The following ZNF501 variants were observed in gnomAD, a reference collection of about 807,000 sequenced individuals.
ZNF501 encodes zinc finger protein 501, also known as zinc finger protein 52.
ZNF501 carries 7 observed loss-of-function variants against 5.7 expected under a neutral mutation model. The observed-to-expected ratio is 1.24, with a 90% CI of 0.70 to 2.32. The LOEUF (loss-of-function observed/expected upper bound fraction) is 2.32. Ranked by LOEUF, ZNF501 falls within the 30% of genes most tolerant of loss-of-function variation. The pLI is 0.00. For missense variants in ZNF501, 352 were observed against 321.1 expected (o/e 1.10, Z -0.73); for synonymous variants, 107 against 101.9 (o/e 1.05, Z -0.30).
Position 44,734,407 on chromosome 3 carries a change from G to C in ZNF501, c.-15G>C, listed in dbSNP as rs1372014707. ...AAAAAAAACTTGTAAGTATGAATTT[G>C]GTGTTACAAGCAGCATGAATTCCAG... On this transcript the variant is annotated 5_prime_UTR_variant, in exon 3 of 3. Transcript: ENST00000620116. 1 of 1,600,948 alleles carries C rather than the reference G, an allele frequency of 6.2e-7. No individual in the cohort carries two copies. The highest frequency in any genetic ancestry group is 1.7e-5 in the Admixed American group (1 of 57,990).
In ZNF501 at chr3:44,736,901, A is replaced by G. The variant is rs959703893; in HGVS notation, c.*1664A>G. 2.3e-4 allele frequency: 38 copies of G among 166,730 alleles called. No individual in the cohort carries two copies. The highest frequency in any genetic ancestry group is 9.0e-4 in the African/African-American group (37 of 41,310). The allele number at this position is 166,730 out of a possible 1,614,324, so 10.3% of individuals were successfully genotyped here. A position where few individuals can be genotyped will look rare whatever the true frequency, so the allele number is the denominator to read the frequency against. On this transcript the variant is annotated 3_prime_UTR_variant, in exon 3 of 3. Transcript: ENST00000620116. ...ACCTTTATCAGATAGGTCTTTTGCA[A>G]ATATTTTCCTCCCAGGCTGTGGCTT...
chr3:44,734,846 C>A lies in ZNF501; in HGVS notation c.425C>A (p.Ala142Asp), dbSNP rs754773526. ...TATAAATGTACAGAATGTGGCAAAG[C>A]CTTCAGTCAGAGCATATGCCTTACT... The part of the protein sequence containing the change: ...KPYKCTECGK[A>D]FSQSICLTRH... Residue 142 changes from alanine (A) to aspartate (D), a missense_variant, in exon 3 of 3, where the codon GCC (alanine) becomes GAC (aspartate). Coordinates refer to ENST00000620116, the MANE Select transcript of ZNF501 (RefSeq NM_001258280.2). 2 of 1,613,852 alleles carry A rather than the reference C, an allele frequency of 1.2e-6. No homozygotes were observed. The highest frequency in any genetic ancestry group is 2.2e-5 in the South Asian group (2 of 91,076).
chr3:44,733,628 C>A (rs1259412158), intron 2 of ZNF501, among the ~76,000 whole-genome samples: 3 of 151,906 alleles, frequency 2.0e-5, no homozygotes, highest in Non-Finnish European at 4.4e-5. Context: ...AGTCAAGTTA[C>A]TGTCCAATTA....
In ZNF501 at chr3:44,731,077, G is replaced by C. The variant is rs548624013; in HGVS notation, c.-310-399G>C. ...GGTCATTGAACAAATTGGTGGCAGA[G>C]CTGAGACTAGAATCCACACCTCTTG... On this transcript the variant is annotated intron_variant, in intron 1 of 2. Transcript: ENST00000620116. Among the ~76,000 whole-genome samples the C allele has an allele frequency of 3.0e-4, 45 of 152,356 alleles. 2 individuals are homozygous for C. The South Asian group carries it at 6.2e-3, about 21-fold the overall frequency.
chr3:44,734,807 C>G lies in ZNF501; in HGVS notation c.386C>G (p.Thr129Ser). The G allele has an allele frequency of 6.2e-7, 1 of 1,614,024 alleles. No homozygotes were observed. The stretch of plus-strand genomic sequence containing the variant: ...CTTATTAAACACCAGCGAATTCATA[C>G]TGGAGAGAAACCATATAAATGTACA... ...PSLIKHQRIH[T>S]GEKPYKCTEC... Residue 129 changes from threonine (T) to serine (S), a missense_variant, in exon 3 of 3, where the codon ACT (threonine) becomes AGT (serine). Physicochemically the swap from Thr to Ser is moderately conservative, Grantham distance 58. Transcript: ENST00000620116.
rs1002333735 is a variant in ZNF501, at chr3:44,735,515, T to C, written c.*278T>C. ...TGTCCTGAGAATAAAATGAGTTCTGTGTGACAGTTAACTGCCATTAATTAA... is the reference window on the plus strand; with the variant it reads ...TGTCCTGAGAATAAAATGAGTTCTGCGTGACAGTTAACTGCCATTAATTAA... On this transcript the variant is annotated 3_prime_UTR_variant, in exon 3 of 3. Transcript: ENST00000620116. 1 of 282,712 alleles carries C rather than the reference T, an allele frequency of 3.5e-6. No individual in the cohort carries two copies. The highest frequency in any genetic ancestry group is 2.2e-5 in the African/African-American group (1 of 45,534). The allele number at this position is 282,712 out of a possible 1,614,324, so 17.5% of individuals were successfully genotyped here.
Position 44,734,426 on chromosome 3 carries a change from A to G in ZNF501, c.5A>G (p.Asn2Ser). M[N>S]SSQISLRMKH... ...GAATTTGGTGTTACAAGCAGCATGAATTCCAGCCAAATATCACTCAGAATG... is the reference window on the plus strand; with the variant it reads ...GAATTTGGTGTTACAAGCAGCATGAGTTCCAGCCAAATATCACTCAGAATG... Residue 2 changes from asparagine to serine, a missense_variant, in exon 3 of 3, where the codon AAT becomes AGT. Asn to Ser is a conservative substitution (Grantham distance 46). Transcript: ENST00000620116. 6.2e-7 allele frequency: 1 copy of G among 1,610,676 alleles called. No homozygotes were observed. Among genetic ancestry groups the G allele is most frequent in the East Asian group, 2.2e-5 (1 of 44,804 alleles).
rs778932970 is a variant in ZNF501, at chr3:44,734,399, A to G, written c.-23A>G. The stretch of plus-strand genomic sequence containing the variant: ...CTTTGAGGAAAAAAAACTTGTAAGT[A>G]TGAATTTGGTGTTACAAGCAGCATG... On this transcript the variant is annotated 5_prime_UTR_variant, in exon 3 of 3. The change abolishes an upstream ATG in the 5' untranslated region. Transcript: ENST00000620116. 6.3e-7 allele frequency: 1 copy of G among 1,596,248 alleles called. No homozygotes were observed. Among genetic ancestry groups the G allele is most frequent in the Non-Finnish European group, 8.5e-7 (1 of 1,170,348 alleles).
At position 44,735,408 on chromosome 3, in the gene ZNF501, G is replaced by A. The variant is rs567456458; in HGVS notation, c.*171G>A. 7 of 589,546 alleles carry A rather than the reference G, an allele frequency of 1.2e-5. No individual in the cohort carries two copies. The highest frequency in any genetic ancestry group is 5.7e-5 in the East Asian group (2 of 34,910). 36.5% of individuals were successfully genotyped at this position (589,546 alleles called of 1,614,324 possible). A position where few individuals can be genotyped will look rare whatever the true frequency, so the allele number is the denominator to read the frequency against. On this transcript the variant is annotated 3_prime_UTR_variant, in exon 3 of 3. Transcript: ENST00000620116. ...TCTGGAGTTTGATGCCTTATCTGCTGCTCAGTGGGTGTAACCTTATCCCTT... is the reference window on the plus strand; with the variant it reads ...TCTGGAGTTTGATGCCTTATCTGCTACTCAGTGGGTGTAACCTTATCCCTT...
rs1025522203 is a variant in ZNF501 at position 44,730,178 on chromosome 3, T to C, written c.-311+163T>C. ...ATTCTTCTAAGTAGTTGCCATGTAG[T>C]AACCCACTTATTCATTACGACAACC... On this transcript the variant is annotated intron_variant, in intron 1 of 2. Transcript: ENST00000620116. Among the ~76,000 whole-genome samples the C allele has an allele frequency of 5.9e-5, 9 of 152,358 alleles. No homozygotes were observed. The East Asian group carries it at 1.7e-3, about 29-fold the overall frequency.
chr3:44,735,080 G>A lies in ZNF501; in HGVS notation c.659G>A (p.Cys220Tyr), dbSNP rs372723266. The A allele has an allele frequency of 2.8e-5, 46 of 1,614,166 alleles. No homozygotes were observed. The African/African-American group carries it at 4.4e-4, about 15-fold the overall frequency. Reference sequence around the variant, plus strand: ...CACACTGGAGAGAAACTTTATAAGTGTAGTGAGTGTGAAAAAACTTTCCGC... The same window carrying A: ...CACACTGGAGAGAAACTTTATAAGTATAGTGAGTGTGAAAAAACTTTCCGC... ...RTHTGEKLYK[C>Y]SECEKTFRKQ... The change falls in exon 3 of 3, where the codon TGT becomes TAT. Residue 220 changes from cysteine to tyrosine, a missense_variant. Physicochemically the swap from Cys to Tyr is radical, Grantham distance 194. Coordinates refer to ENST00000620116, the MANE Select transcript of ZNF501 (RefSeq NM_001258280.2).
Position 44,734,896 on chromosome 3 carries a change from G to A in ZNF501, c.475G>A (p.Asp159Asn). The A allele has an allele frequency of 6.2e-7, 1 of 1,613,860 alleles. No individual in the cohort carries two copies. The highest frequency in any genetic ancestry group is 8.5e-7 in the Non-Finnish European group (1 of 1,179,998). The change falls in exon 3 of 3, where the codon GAT becomes AAT. Residue 159 changes from aspartate to asparagine, a missense_variant. Coordinates refer to ENST00000620116, the MANE Select transcript of ZNF501 (RefSeq NM_001258280.2). ...TCGTCATCAGAGAAGTCATTCTGGA[G>A]ATAAACCTTTTAAGTGTAATGAATG... is the stretch of plus-strand genomic sequence containing the variant. The part of the protein sequence containing the change: ...LTRHQRSHSG[D>N]KPFKCNECGK...
chr3:44,730,160 T>G (rs1704588227), intron 1 of ZNF501, 145 bp downstream of exon 1: 1 of 152,238 alleles, frequency 6.6e-6, no homozygotes, highest in Non-Finnish European at 1.5e-5. Context: ...GGCATTCTTC[T>G]AAGTAGTTGC....
At chr3:44,730,382 C>T (rs1704593223) in intron 1 of ZNF501, among the ~76,000 whole-genome samples, 2 of 152,164 alleles carry the variant, frequency 1.3e-5, no homozygotes, top group Non-Finnish European at 2.9e-5. Flanking sequence ...TTGTAAAATT[C>T]TTTGAGAATG....
chr3:44,734,972 A>T lies in ZNF501; in HGVS notation c.551A>T (p.His184Leu). ...TGTCTCATGCAGCATCAGAGAATTC[A>T]TTCAGGAGAGAAGCCCTACACATGC... ...SACLMQHQRIHSGEKPYTCTE... is the reference protein window; with the variant it reads ...SACLMQHQRILSGEKPYTCTE... Residue 184 changes from histidine to leucine, a missense_variant, in exon 3 of 3, where the codon CAT (histidine) becomes CTT (leucine). Transcript: ENST00000620116. 6.2e-7 allele frequency: 1 copy of T among 1,614,202 alleles called. No individual in the cohort carries two copies. Among genetic ancestry groups the T allele is most frequent in the South Asian group, 1.1e-5 (1 of 91,088 alleles).
rs534763302 is a variant in ZNF501 at position 44,732,377 on chromosome 3, A to G, written c.-226+817A>G. 4.6e-5 allele frequency: 7 copies of G among 152,362 alleles called. No individual in the cohort carries two copies. In the South Asian group the frequency reaches 1.4e-3, roughly 32 times the overall value. 9.4% of individuals were successfully genotyped at this position (152,362 alleles called of 1,614,324 possible). On this transcript the variant is annotated intron_variant, in intron 2 of 2. Transcript: ENST00000620116. Reference sequence around the variant, plus strand: ...TTTTATTTTGGAAAAATGAGAGTAAAGGAATTAAAAATGTGCTTAGAGTTT... The same window carrying G: ...TTTTATTTTGGAAAAATGAGAGTAAGGGAATTAAAAATGTGCTTAGAGTTT...
Position 44,735,330 on chromosome 3 carries a change from G to C in ZNF501, c.*93G>C, listed in dbSNP as rs1704682154. On this transcript the variant is annotated 3_prime_UTR_variant, in exon 3 of 3. Transcript: ENST00000620116. ...GAATGTAAGACTCAATCTGTAGCTA[G>C]TATGAATATTTTGTATTTTGAACAA... is the stretch of plus-strand genomic sequence containing the variant. The C allele has an allele frequency of 9.0e-7, 1 of 1,113,956 alleles. No individual in the cohort carries two copies. Among genetic ancestry groups the C allele is most frequent in the African/African-American group, 1.6e-5 (1 of 63,154 alleles). The allele number at this position is 1,113,956 out of a possible 1,614,324, so 69.0% of individuals were successfully genotyped here.
At chr3:44,733,634 A>G (rs1475475761) in intron 2 of ZNF501, among the ~76,000 whole-genome samples, 2 of 151,458 alleles carry the variant, frequency 1.3e-5, no homozygotes, top group African/African-American at 4.9e-5. Context: ...GTTACTGTCC[A>G]ATTAAACCTT....
At position 44,736,282 on chromosome 3, in the gene ZNF501, G is replaced by C. The variant is rs922824553; in HGVS notation, c.*1045G>C. On this transcript the variant is annotated 3_prime_UTR_variant, in exon 3 of 3. Transcript: ENST00000620116. ...AAGAAATCAAAGAATACTTTTGATG[G>C]AGCTTTAGGCTATGCTAAGCCTTTT... 6.0e-6 allele frequency: 1 copy of C among 167,062 alleles called. No individual in the cohort carries two copies. Among genetic ancestry groups the C allele is most frequent in the Non-Finnish European group, 1.5e-5 (1 of 68,128 alleles). 10.3% of individuals were successfully genotyped at this position (167,062 alleles called of 1,614,324 possible).
Sources: allele counts gnomAD v4.1 joint callset (sites outside exome capture counted in the v4.1 genomes callset), GRCh38; gene constraint gnomAD v4.1.1; transcripts MANE v1.5; gene names NCBI Gene and HGNC (gene_info 2026-07-23, HGNC 2026-07-21).